Variants in DOCK4 observed in about 807,000 individuals in gnomAD.
DOCK4 encodes the protein dedicator of cytokinesis 4.
DOCK4 carries 97 observed loss-of-function variants against 268.1 expected under a neutral mutation model. The ratio of observed to expected loss-of-function variants is 0.36; its 90% confidence interval spans 0.31 to 0.43. The LOEUF (loss-of-function observed/expected upper bound fraction) is 0.43, where lower values mean the gene tolerates loss of function less well. DOCK4 is among the 20% of genes least tolerant of loss of function. The probability of loss-of-function intolerance (pLI) is 1.00; values close to 1 mark genes in which losing one functional copy is unlikely to be tolerated. For synonymous variants in DOCK4, 954 were observed against 887.2 expected, an observed-to-expected ratio of 1.08 and a Z score of -1.34; for missense variants, 2,145 against 2,455.7, an observed-to-expected ratio of 0.87 and a Z score of 2.67.
At chr7:111,840,120 T>C (rs1301774665) in intron 25 of DOCK4, among the ~76,000 whole-genome samples, 5 of 152,206 alleles carry the variant, frequency 3.3e-5, no homozygotes, top group Non-Finnish European at 7.3e-5. Context: ...TATGTATAGA[T>C]TGAGTATAAT....
chr7:111,917,700 C>T (rs1586365341), intron 12 of DOCK4, among the ~76,000 whole-genome samples: 1 of 144,472 alleles, frequency 6.9e-6, no homozygotes, highest in African/African-American at 2.7e-5. Context: ...AGCGAGACCC[C>T]ATAATAAAAA....
In DOCK4 at chr7:111,945,755, C is replaced by G; in HGVS notation, c.745G>C (p.Ala249Pro). 6.3e-7 allele frequency: 1 copy of G among 1,598,944 alleles called. No individual in the cohort carries two copies. The highest frequency in any genetic ancestry group is 8.5e-7 in the Non-Finnish European group (1 of 1,172,402). The change falls in exon 9 of 53, where the codon GCC becomes CCC. Residue 249 changes from alanine (A) to proline (P), a missense_variant. Transcript: ENST00000428084. Reference protein sequence around the residue: ...LRLNRNGLPKAPDKPERHCSL... With the variant: ...LRLNRNGLPKPPDKPERHCSL... The stretch of plus-strand genomic sequence containing the variant: ...CAATGTCGTTCCGGTTTATCAGGGG[C>G]TTTGGGAAGCCCGTTTCTATTCAGC...
intron 1 of DOCK4, among the ~76,000 whole-genome samples, chr7:112,024,386 T>C (rs1028993131): frequency 6.6e-5 from 10 of 152,142 alleles, no homozygotes; most frequent in Non-Finnish European, 7.4e-5. Context: ...CTGAACTCTC[T>C]TTCCCACCCT....
intron 8 of DOCK4, among the ~76,000 whole-genome samples, chr7:111,955,816 G>A (rs1796408736): frequency 1.3e-5 from 2 of 152,206 alleles, no homozygotes; most frequent in Admixed American, 1.3e-4. Flanking sequence ...TTGACTGACT[G>A]TTGATTTAAG....
At chr7:112,196,665 G>A (rs1048702991) in intron 1 of DOCK4, among the ~76,000 whole-genome samples, 1 of 152,084 alleles carries the variant, frequency 6.6e-6, no homozygotes, top group Non-Finnish European at 1.5e-5. Context: ...GGGGCAATGG[G>A]TCTTCCTGTC....
chr7:111,951,597 C>T (rs1276728741), intron 8 of DOCK4, among the ~76,000 whole-genome samples: 1 of 140,818 alleles, frequency 7.1e-6, no homozygotes, highest in Non-Finnish European at 1.5e-5. Flanking sequence ...CACTTGAGCC[C>T]AAGAGTTCAA....
intron 44 of DOCK4, among the ~76,000 whole-genome samples, chr7:111,743,245 G>A (rs528150597): frequency 6.6e-6 from 1 of 152,272 alleles, no homozygotes; most frequent in African/African-American, 2.4e-5. Flanking sequence ...AAATTCCATA[G>A]ACTGGGAGGA....
chr7:112,134,492 G>A (rs1037587067), intron 1 of DOCK4, among the ~76,000 whole-genome samples: 1 of 152,190 alleles, frequency 6.6e-6, no homozygotes, highest in Non-Finnish European at 1.5e-5. Flanking sequence ...GGCCAAGGCG[G>A]GCGGAACACA....
At chr7:111,945,438 G>A (rs1018074055) in intron 9 of DOCK4, among the ~76,000 whole-genome samples, 9 of 152,182 alleles carry the variant, frequency 5.9e-5, no homozygotes, top group South Asian at 4.1e-4. Context: ...CACCCGCCTC[G>A]GCCTCCCAAA....
chr7:111,827,359 G>A (rs1400934137), intron 26 of DOCK4, among the ~76,000 whole-genome samples: 1 of 152,112 alleles, frequency 6.6e-6, no homozygotes, highest in African/African-American at 2.4e-5. Context: ...AAACAGGCAG[G>A]AATATTAAGA....
chr7:112,193,643 C>T (rs147341423), intron 1 of DOCK4, among the ~76,000 whole-genome samples: 124 of 151,650 alleles, frequency 8.2e-4, no homozygotes, highest in Middle Eastern at 3.4e-3. Flanking sequence ...TCTGTGCCTC[C>T]AGAGGTGGGC....
chr7:112,094,653 T>C (rs1470645080), intron 1 of DOCK4, among the ~76,000 whole-genome samples: 2 of 152,096 alleles, frequency 1.3e-5, no homozygotes, highest in African/African-American at 4.8e-5. Flanking sequence ...CTTAACAGTA[T>C]ATTGCAATGA....
intron 1 of DOCK4, among the ~76,000 whole-genome samples, chr7:112,181,123 T>C (rs2116696112): frequency 6.6e-6 from 1 of 152,302 alleles, no homozygotes; most frequent in African/African-American, 2.4e-5. Context: ...TTAGAGATAA[T>C]ATCCAATGTT....
intron 27 of DOCK4, among the ~76,000 whole-genome samples, chr7:111,816,861 C>T (rs1801597892): frequency 6.6e-6 from 1 of 152,100 alleles, no homozygotes; most frequent in Admixed American, 6.6e-5. Flanking sequence ...ATTAGACAGG[C>T]AAAGCTGATC....
At chr7:111,743,916 C>T (rs887805356) in intron 44 of DOCK4, among the ~76,000 whole-genome samples, 1 of 152,162 alleles carries the variant, frequency 6.6e-6, no homozygotes, top group Non-Finnish European at 1.5e-5. Flanking sequence ...AACTCCTGGG[C>T]TAAGGTGATC....
intron 8 of DOCK4, among the ~76,000 whole-genome samples, chr7:111,950,121 T>C (rs1480070614): frequency 1.3e-5 from 2 of 152,130 alleles, no homozygotes; most frequent in Non-Finnish European, 2.9e-5. Flanking sequence ...GTGACAGGGT[T>C]TCACCATGTT....
At chr7:112,064,505 G>T (rs143590903) in intron 1 of DOCK4, among the ~76,000 whole-genome samples, 52 of 152,294 alleles carry the variant, frequency 3.4e-4, no homozygotes, top group African/African-American at 8.9e-4. Context: ...AGTTTGCAGG[G>T]ACACTAAGTC....
Position 111,856,567 on chromosome 7 carries a change from T to G in DOCK4, c.2473+6805A>C, listed in dbSNP as rs574501293. Among the ~76,000 whole-genome samples the G allele has an allele frequency of 1.7e-3, 254 of 152,330 alleles. 1 individual carries two copies. Among genetic ancestry groups the G allele is most frequent in the Non-Finnish European group, 1.4e-3 (92 of 68,030 alleles). ...AAAAACAGAAAACCCAAAATCATTA[T>G]GTGGGCAAATCTTTCATAAAATCCA... On this transcript the variant is annotated intron_variant, in intron 23 of 52. Coordinates refer to ENST00000428084, the MANE Select transcript of DOCK4 (RefSeq NM_001363540.2).
chr7:112,198,136 G>C (rs2116854856), intron 1 of DOCK4, among the ~76,000 whole-genome samples: 1 of 152,138 alleles, frequency 6.6e-6, no homozygotes, highest in East Asian at 1.9e-4. Flanking sequence ...TTTGGAGATG[G>C]GGGACTTGGG....
Sources: gnomAD v4.1 joint callset for allele counts (sites outside exome capture counted in the v4.1 genomes callset) on GRCh38, gnomAD v4.1.1 for gene constraint, MANE v1.5 for transcripts, NCBI Gene and HGNC (gene_info 2026-07-23, HGNC 2026-07-21) for gene names.